Variants in EPPIN observed in about 807,000 individuals in gnomAD.
EPPIN encodes WAP four-disulfide core domain protein 7.
Under a neutral mutation model 18.8 loss-of-function variants are expected in EPPIN, and 14 were observed. The observed-to-expected ratio is 0.75, with a 90% confidence interval of 0.49 to 1.17. EPPIN has a LOEUF of 1.17. Ranked by LOEUF, EPPIN falls within the 50% of genes most tolerant of loss-of-function variation. The pLI is 0.00. For synonymous variants in EPPIN, 57 were observed against 54.8 expected (o/e 1.04, Z -0.18); for missense variants, 143 against 154.2 (o/e 0.93, Z 0.39).
chr20:45,542,675 A>C (rs753843555), intron 3 of EPPIN, 25 bp downstream of exon 3: 1 of 1,607,658 alleles, frequency 6.2e-7, no homozygotes, highest in African/African-American at 1.3e-5. Context: ...GGAGAGGATG[A>C]AAGACCGGGG....
intron 2 of EPPIN, chr20:45,544,302 G>A (rs1979728579): frequency 1.3e-5 from 2 of 152,138 alleles, no homozygotes; most frequent in African/African-American, 2.4e-5. Context: ...ACAAATAAGC[G>A]AATAGGTATC....
At chr20:45,543,639 C>T (rs561755783) in intron 2 of EPPIN, 5 of 152,488 alleles carry the variant, frequency 3.3e-5, no homozygotes, top group Admixed American at 3.3e-4. Flanking sequence ...ATTCCTGGCC[C>T]CTCCAATCAA....
At chr20:45,543,025 T>G (rs1180445213) in intron 2 of EPPIN, 158 bp from the exon 3 acceptor site, 4 of 1,166,224 alleles carry the variant, frequency 3.4e-6, no homozygotes, top group Non-Finnish European at 4.6e-6. Context: ...ATTGCACACA[T>G]TTGCAAGGAG....
intron 2 of EPPIN, chr20:45,545,432 T>C: frequency 1.4e-6 from 1 of 722,060 alleles, no homozygotes; most frequent in South Asian, 2.5e-5. Flanking sequence ...GGAAACTGAG[T>C]CTCAGACATT....
At chr20:45,545,941 C>T in intron 1 of EPPIN, 171 bp from the exon 2 acceptor site, 1 of 931,360 alleles carries the variant, frequency 1.1e-6, no homozygotes. Flanking sequence ...GCCTACACCC[C>T]CACCACTCCC....
At chr20:45,546,081 T>A (rs1979819945) in intron 1 of EPPIN, 2 of 456,216 alleles carry the variant, frequency 4.4e-6, no homozygotes, top group Non-Finnish European at 7.7e-6. Context: ...TTGTAGGATG[T>A]TTAGCAGCAT....
At chr20:45,546,263 C>T (rs1286589590) in intron 1 of EPPIN, 1 of 166,310 alleles carries the variant, frequency 6.0e-6, no homozygotes, top group East Asian at 1.7e-4. Flanking sequence ...GGAAGTTCCT[C>T]TAGGTGGTAG....
Position 45,541,684 on chromosome 20 carries a change from C to T in EPPIN, c.*460G>A, listed in dbSNP as rs1979596073. The T allele has an allele frequency of 6.4e-6, 1 of 156,182 alleles. No homozygotes were observed. Among genetic ancestry groups the T allele is most frequent in the African/African-American group, 2.4e-5 (1 of 41,476 alleles). 9.7% of individuals were successfully genotyped at this position (156,182 alleles called of 1,614,324 possible). On this transcript the variant is annotated 3_prime_UTR_variant, in exon 4 of 4. Transcript: ENST00000354280. ...AGGGTTTTACAATCTTTTGTAGAAA[C>T]AGAGGAAGATAACAATAACAATATT...
chr20:45,544,165 G>A (rs1163671953), intron 2 of EPPIN: 1 of 152,116 alleles, frequency 6.6e-6, no homozygotes, highest in Non-Finnish European at 1.5e-5. Flanking sequence ...GAACGTTGAG[G>A]ATAAACGAAA....
At position 45,545,868 on chromosome 20, in the gene EPPIN, G is replaced by A. The variant is rs1257653835; in HGVS notation, c.92-98C>T. The A allele has an allele frequency of 3.2e-6, 5 of 1,547,736 alleles. No individual in the cohort carries two copies. In the South Asian group the frequency reaches 6.2e-5, roughly 19 times the overall value. On this transcript the variant is annotated intron_variant, in intron 1 of 3. Coordinates refer to ENST00000354280, the MANE Select transcript of EPPIN (RefSeq NM_020398.4). ...CAATTCTAGAGAGTCAGGGAAGTTT[G>A]CTTTCAGTTTGCTTGCCCCCAGGAG...
Position 45,547,258 on chromosome 20 carries a change from A to C in EPPIN, c.91+9T>G, listed in dbSNP as rs1979872908. The C allele has an allele frequency of 1.2e-6, 2 of 1,613,840 alleles. No individual in the cohort carries two copies. Among genetic ancestry groups the C allele is most frequent in the Non-Finnish European group, 1.7e-6 (2 of 1,179,840 alleles). On this transcript the variant is annotated intron_variant, in intron 1 of 3. Transcript: ENST00000354280. ...TCTCTCTAGGGTAAGGGCTGAGGCCAATACTTACTGGGAAATAACCAATCA... is the reference window on the plus strand; with the variant it reads ...TCTCTCTAGGGTAAGGGCTGAGGCCCATACTTACTGGGAAATAACCAATCA...
In EPPIN at chr20:45,540,688, C is replaced by T. The variant is rs1979548823; in HGVS notation, c.*1456G>A. The T allele has an allele frequency of 6.6e-6, 1 of 152,172 alleles. No individual in the cohort carries two copies. The highest frequency in any genetic ancestry group is 2.1e-4 in the South Asian group (1 of 4,826). 9.4% of individuals were successfully genotyped at this position (152,172 alleles called of 1,614,324 possible). A position where few individuals can be genotyped will look rare whatever the true frequency, so the allele number is the denominator to read the frequency against. ...TGAAAAAAAGCTCAACACCAGTGAT[C>T]ATCAGAGAAATGCAAATCAAAACCA... On this transcript the variant is annotated 3_prime_UTR_variant, in exon 4 of 4. Transcript: ENST00000354280.
At position 45,541,045 on chromosome 20, in the gene EPPIN, A is replaced by G. The variant is rs1046048407; in HGVS notation, c.*1099T>C. On this transcript the variant is annotated 3_prime_UTR_variant, in exon 4 of 4. Transcript: ENST00000354280. ...AATATCCATCAACGATAGGCTGGAT[A>G]AAGAAAATGTGGTACATATATGCCA... 1 of 152,244 alleles carries G rather than the reference A, an allele frequency of 6.6e-6. No individual in the cohort carries two copies. Among genetic ancestry groups the G allele is most frequent in the East Asian group, 1.9e-4 (1 of 5,206 alleles). The allele number at this position is 152,244 out of a possible 1,614,324, so 9.4% of individuals were successfully genotyped here. A position where few individuals can be genotyped will look rare whatever the true frequency, so the allele number is the denominator to read the frequency against.
intron 3 of EPPIN, 102 bp from the exon 4 acceptor site, chr20:45,542,256 A>T: frequency 1.2e-5 from 18 of 1,505,922 alleles, no homozygotes; most frequent in Non-Finnish European, 1.5e-5. Flanking sequence ...AGACACTAAA[A>T]AGTAGTGGGT....
At chr20:45,543,706 C>T (rs1298978476) in intron 2 of EPPIN, 1 of 152,316 alleles carries the variant, frequency 6.6e-6, no homozygotes, top group Non-Finnish European at 1.5e-5. Context: ...CCAGGCTTAT[C>T]ATGTCATTGC....
At position 45,540,949 on chromosome 20, in the gene EPPIN, T is replaced by C. The variant is rs1979559628; in HGVS notation, c.*1195A>G. 1 of 152,212 alleles carries C rather than the reference T, an allele frequency of 6.6e-6. No individual in the cohort carries two copies. The highest frequency in any genetic ancestry group is 1.9e-4 in the East Asian group (1 of 5,200). 9.4% of individuals were successfully genotyped at this position (152,212 alleles called of 1,614,324 possible). On this transcript the variant is annotated 3_prime_UTR_variant, in exon 4 of 4. Coordinates refer to ENST00000354280, the MANE Select transcript of EPPIN (RefSeq NM_020398.4). ...ACTCAAAGGAATATAAATCATTCTT[T>C]TATAAAGATACATGCATGTGTATGT...
At chr20:45,542,653 C>T (rs2231842) in intron 3 of EPPIN, 47 bp downstream of exon 3, 74,355 of 1,585,138 alleles carry the variant, frequency 0.047, 1,963 homozygotes, top group Middle Eastern at 0.053. Flanking sequence ...CCAGACCTCC[C>T]GGCATGGGAC....
intron 2 of EPPIN, chr20:45,543,087 T>C: frequency 4.2e-6 from 3 of 718,022 alleles, no homozygotes; most frequent in Admixed American, 3.6e-5. Context: ...GCAGGTGTAA[T>C]TAGCTAAAAT....
rs562681520 is a variant in EPPIN, at chr20:45,542,117, C to A, written c.*27G>T. The A allele has an allele frequency of 6.2e-7, 1 of 1,613,380 alleles. No homozygotes were observed. The highest frequency in any genetic ancestry group is 1.1e-5 in the South Asian group (1 of 90,932). ...ACTCAGAGCATGAGCCACATTCTGG[C>A]AGTTCTTCCAGTGCATCCTTATCCA... On this transcript the variant is annotated 3_prime_UTR_variant, in exon 4 of 4. Coordinates refer to ENST00000354280, the MANE Select transcript of EPPIN (RefSeq NM_020398.4).
Sources: gnomAD v4.1 joint callset for allele counts on GRCh38, gnomAD v4.1.1 for gene constraint, MANE v1.5 for transcripts, NCBI Gene and HGNC (gene_info 2026-07-23, HGNC 2026-07-21) for gene names.